The following EYS variants were observed in gnomAD, a reference collection of about 807,000 sequenced individuals.
EYS encodes the protein protein eyes shut homolog.
EYS carries 250 observed loss-of-function variants against 282.1 expected under a neutral mutation model. The ratio of observed to expected loss-of-function variants is 0.89; its 90% CI spans 0.80 to 0.98. EYS has a LOEUF of 0.98. EYS is among the 50% of genes least tolerant of loss of function. EYS has a pLI of 0.00. For missense variants in EYS, 4,016 were observed against 3,709.0 expected, an observed-to-expected ratio of 1.08 and a Z score of -2.15; for synonymous variants, 1,355 against 1,282.9, an observed-to-expected ratio of 1.06 and a Z score of -1.20.
intron 33 of EYS, among the ~76,000 whole-genome samples, chr6:64,021,158 A>G (rs568686913): frequency 2.6e-4 from 16 of 62,044 alleles, no homozygotes; most frequent in East Asian, 1.2e-3. Context: ...TTTTCAAGGG[A>G]AAAAAAAAAA....
chr6:64,644,872 A>G (rs1768295360), intron 22 of EYS, among the ~76,000 whole-genome samples: 1 of 152,082 alleles, frequency 6.6e-6, no homozygotes, highest in African/African-American at 2.4e-5. Context: ...AAAGATGTAC[A>G]TTTACTGGAT....
intron 30 of EYS, among the ~76,000 whole-genome samples, chr6:64,232,598 A>G (rs968059894): frequency 6.6e-5 from 10 of 151,952 alleles, no homozygotes; most frequent in Non-Finnish European, 1.2e-4. Flanking sequence ...CCCATGTTGG[A>G]CAGGCTGGTC....
intron 12 of EYS, among the ~76,000 whole-genome samples, chr6:65,275,149 T>G (rs1188558840): frequency 1.3e-5 from 2 of 152,104 alleles, no homozygotes; most frequent in Non-Finnish European, 2.9e-5. Flanking sequence ...TGACAGGCAT[T>G]CTGTTTGGAG....
At chr6:65,025,319 C>G (rs1337059160) in intron 13 of EYS, among the ~76,000 whole-genome samples, 2 of 152,056 alleles carry the variant, frequency 1.3e-5, no homozygotes, top group African/African-American at 2.4e-5. Flanking sequence ...TAAAACAATA[C>G]AGCAAAATGC....
intron 26 of EYS, among the ~76,000 whole-genome samples, chr6:64,560,141 T>C (rs549828035): frequency 1.3e-5 from 2 of 152,100 alleles, no homozygotes; most frequent in African/African-American, 2.4e-5. Flanking sequence ...TTTTTCATCA[T>C]TTTTATAGTT....
At chr6:64,098,218 C>T (rs1018421854) in intron 31 of EYS, among the ~76,000 whole-genome samples, 5 of 152,042 alleles carry the variant, frequency 3.3e-5, no homozygotes, top group African/African-American at 9.7e-5. Flanking sequence ...TAAGAATATC[C>T]AGAATAGTAT....
intron 35 of EYS, among the ~76,000 whole-genome samples, chr6:63,903,917 G>C (rs1292405631): frequency 6.6e-6 from 1 of 152,208 alleles, no homozygotes; most frequent in Non-Finnish European, 1.5e-5. Flanking sequence ...AAGATGTTCT[G>C]AAAAGGTGAA....
chr6:64,936,108 C>T (rs56784669), intron 15 of EYS, among the ~76,000 whole-genome samples: 1,544 of 151,684 alleles, frequency 0.01, 14 homozygotes, highest in African/African-American at 0.036. Context: ...CCAATTGGGA[C>T]ATATATTAGT....
At chr6:63,897,053 T>C (rs79981382) in intron 35 of EYS, among the ~76,000 whole-genome samples, 8,569 of 152,298 alleles carry the variant, frequency 0.056, 310 homozygotes, top group South Asian at 0.12. Flanking sequence ...TGCAGAAGTA[T>C]ATATAAAGCA....
chr6:64,630,753 T>TTA (rs1767752511), intron 22 of EYS, among the ~76,000 whole-genome samples: 1 of 152,200 alleles, frequency 6.6e-6, no homozygotes, highest in Non-Finnish European at 1.5e-5. Flanking sequence ...CTTTGTTCCT[T>TTA]CAAGGTTATG....
chr6:64,594,476 T>C (rs2149834153), intron 24 of EYS, among the ~76,000 whole-genome samples: 1 of 152,018 alleles, frequency 6.6e-6, no homozygotes, highest in Middle Eastern at 3.4e-3. Flanking sequence ...ATTAAGAAAA[T>C]GTGGCACATA....
chr6:64,496,306 A>G (rs1776887964), intron 26 of EYS, among the ~76,000 whole-genome samples: 1 of 151,972 alleles, frequency 6.6e-6, no homozygotes, highest in African/African-American at 2.4e-5. Flanking sequence ...TTACAACTGG[A>G]TTATAGTTTA....
In EYS at chr6:64,553,557, C is replaced by A. The variant is rs914169669; in HGVS notation, c.5644+36666G>T. Among the ~76,000 whole-genome samples, 8 of 137,102 alleles carry A rather than the reference C, an allele frequency of 5.8e-5. 1 individual carries two copies. The highest frequency in any genetic ancestry group is 1.5e-4 in the Admixed American group (2 of 13,578). The allele number at this position is 137,102 out of a possible 152,430, so 89.9% of individuals were successfully genotyped here. A position where few individuals can be genotyped will look rare whatever the true frequency, so the allele number is the denominator to read the frequency against. On this transcript the variant is annotated intron_variant, in intron 26 of 42. Transcript: ENST00000503581. ...TGACTTTTGTTTGACCCCCCCCCCC[C>A]CATAGGCAGTTACAAGGCAAATGTG... is the stretch of plus-strand genomic sequence containing the variant.
intron 26 of EYS, among the ~76,000 whole-genome samples, chr6:64,482,425 C>G (rs1010742195): frequency 2.6e-5 from 4 of 151,642 alleles, no homozygotes; most frequent in Non-Finnish European, 3.0e-5. Context: ...AGGGATTTAA[C>G]TTTTTAAGAA....
At chr6:64,549,808 C>G (rs1765010056) in intron 26 of EYS, among the ~76,000 whole-genome samples, 1 of 148,516 alleles carries the variant, frequency 6.7e-6, no homozygotes, top group South Asian at 2.1e-4. Flanking sequence ...CATATGTATA[C>G]ATGTGCCATG....
chr6:64,711,524 T>C lies in EYS; in HGVS notation c.3444-85279A>G, dbSNP rs1161600518. On this transcript the variant is annotated intron_variant, in intron 22 of 42. Transcript: ENST00000503581. Reference sequence around the variant, plus strand: ...AATTACTCTGCTATGACCATGACCATTAACCAAGAAACACTGGGTTTGGCC... The same window carrying C: ...AATTACTCTGCTATGACCATGACCACTAACCAAGAAACACTGGGTTTGGCC... 3.9e-5 allele frequency among the ~76,000 whole-genome samples: 6 copies of C among 152,200 alleles called. No homozygotes were observed. The East Asian group carries it at 1.2e-3, about 29-fold the overall frequency.
intron 30 of EYS, among the ~76,000 whole-genome samples, chr6:64,235,095 AATT>A (rs1264598984): frequency 2.0e-5 from 3 of 149,376 alleles, no homozygotes; most frequent in Non-Finnish European, 4.5e-5. Flanking sequence ...TATTTTTTTT[AATT>A]ATTATCATAC....
intron 28 of EYS, among the ~76,000 whole-genome samples, chr6:64,430,512 A>G (rs570195306): frequency 4.6e-5 from 7 of 152,334 alleles, no homozygotes; most frequent in African/African-American, 1.4e-4. Context: ...AAACCACTAA[A>G]AACCAAGATT....
intron 30 of EYS, among the ~76,000 whole-genome samples, chr6:64,235,026 T>G (rs1322216808): frequency 6.6e-6 from 1 of 151,954 alleles, no homozygotes; most frequent in Non-Finnish European, 1.5e-5. Flanking sequence ...TACAGGCATC[T>G]GCCACCACAC....
Sources: gnomAD v4.1 joint callset for allele counts (sites outside exome capture counted in the v4.1 genomes callset) on GRCh38, gnomAD v4.1.1 for gene constraint, MANE v1.5 for transcripts, NCBI Gene and HGNC (gene_info 2026-07-23, HGNC 2026-07-21) for gene names.